CSNK2A1: variants seen among roughly 807,000 people sequenced by gnomAD.
CSNK2A1 encodes casein kinase 2 alpha 1.
CSNK2A1 carries 10 observed loss-of-function variants against 62.9 expected under a neutral mutation model. The observed-to-expected ratio is 0.16, with a 90% CI of 0.10 to 0.27. The LOEUF is 0.27. Ranked by LOEUF, CSNK2A1 falls within the 10% of genes least tolerant of loss-of-function variation. CSNK2A1 has a pLI of 1.00. For missense variants in CSNK2A1, 160 were observed against 492.0 expected, an observed-to-expected ratio of 0.33 and a Z score of 6.38; for synonymous variants, 124 against 167.8, an observed-to-expected ratio of 0.74 and a Z score of 2.02.
chr20:542,491 T>A (rs1447277293), intron 1 of CSNK2A1, among the ~76,000 whole-genome samples: 5 of 152,224 alleles, frequency 3.3e-5, no homozygotes, highest in Admixed American at 3.3e-4. Context: ...TGGAGTGCAG[T>A]GGCGGATCTC....
At position 483,141 on chromosome 20, in the gene CSNK2A1, C is replaced by T. The variant is rs1300106176; in HGVS notation, c.*820G>A. ...AACTAAGAAAGATTTTGCCTTCCCT[C>T]TCCTACCAGCTATGGAGCACAGCAT... On this transcript the variant is annotated 3_prime_UTR_variant, in exon 14 of 14. Coordinates refer to ENST00000217244, the MANE Select transcript of CSNK2A1 (RefSeq NM_177559.3). 6.6e-6 allele frequency: 1 copy of T among 152,180 alleles called. No individual in the cohort carries two copies. The highest frequency in any genetic ancestry group is 6.5e-5 in the Admixed American group (1 of 15,288). 9.4% of individuals were successfully genotyped at this position (152,180 alleles called of 1,614,324 possible). A position where few individuals can be genotyped will look rare whatever the true frequency, so the allele number is the denominator to read the frequency against.
intron 3 of CSNK2A1, chr20:505,863 A>T (rs1344183980): frequency 7.0e-6 from 1 of 143,596 alleles, no homozygotes; most frequent in Non-Finnish European, 1.5e-5. Flanking sequence ...TTTCCCCAAG[A>T]GAATAATTTT....
In CSNK2A1 at chr20:478,058, A is replaced by G. The variant is rs1159277484; in HGVS notation, c.*5903T>C. On this transcript the variant is annotated 3_prime_UTR_variant, in exon 14 of 14. Transcript: ENST00000217244. ...CAGTTGGAATTATCCCATATACACA[A>G]TTTTTTCACTTTTCTAATTAACATA... 1.3e-5 allele frequency: 2 copies of G among 151,446 alleles called. No homozygotes were observed. Among genetic ancestry groups the G allele is most frequent in the Non-Finnish European group, 2.9e-5 (2 of 67,878 alleles). 9.4% of individuals were successfully genotyped at this position (151,446 alleles called of 1,614,324 possible). A position where few individuals can be genotyped will look rare whatever the true frequency, so the allele number is the denominator to read the frequency against.
At position 486,367 on chromosome 20, in the gene CSNK2A1, T is replaced by G; in HGVS notation, c.1060+9A>C. On this transcript the variant is annotated intron_variant, in intron 13 of 13. Transcript: ENST00000217244. ...CATTTTTTTAAAGAAAATTTACCAATGAACTGACCTGACATCATATTGGCG... is the reference window on the plus strand; with the variant it reads ...CATTTTTTTAAAGAAAATTTACCAAGGAACTGACCTGACATCATATTGGCG... 1 of 1,613,130 alleles carries G rather than the reference T, an allele frequency of 6.2e-7. No homozygotes were observed. The highest frequency in any genetic ancestry group is 8.5e-7 in the Non-Finnish European group (1 of 1,179,578).
chr20:512,275 A>G (rs1025400809), intron 2 of CSNK2A1, among the ~76,000 whole-genome samples: 7 of 150,610 alleles, frequency 4.6e-5, no homozygotes, highest in South Asian at 2.1e-4. Flanking sequence ...TGTGATTTTA[A>G]TTTGCATTTC....
chr20:516,943 T>C (rs971740726), intron 2 of CSNK2A1, among the ~76,000 whole-genome samples: 12 of 152,212 alleles, frequency 7.9e-5, no homozygotes, highest in Admixed American at 2.6e-4. Flanking sequence ...AAGATTTCTA[T>C]AGCAAAGAAT....
chr20:503,500 C>G (rs1459287504), intron 4 of CSNK2A1: 1 of 398,530 alleles, frequency 2.5e-6, no homozygotes, highest in Non-Finnish European at 4.4e-6. Context: ...CTGTGGAACA[C>G]TTTACATTTT....
chr20:477,851 C>T lies in CSNK2A1; in HGVS notation c.*6110G>A, dbSNP rs539239365. Reference sequence around the variant, plus strand: ...TACTAAAAATACAAAATTAGCTGGGCGTGGTGGTGCATGTAATCCCATGCC... The same window carrying T: ...TACTAAAAATACAAAATTAGCTGGGTGTGGTGGTGCATGTAATCCCATGCC... On this transcript the variant is annotated 3_prime_UTR_variant, in exon 14 of 14. Coordinates refer to ENST00000217244, the MANE Select transcript of CSNK2A1 (RefSeq NM_177559.3). 5 of 151,812 alleles carry T rather than the reference C, an allele frequency of 3.3e-5. No homozygotes were observed. Among genetic ancestry groups the T allele is most frequent in the East Asian group, 1.9e-4 (1 of 5,182 alleles). 9.4% of individuals were successfully genotyped at this position (151,812 alleles called of 1,614,324 possible).
intron 1 of CSNK2A1, among the ~76,000 whole-genome samples, chr20:535,388 T>C (rs2019296173): frequency 6.6e-6 from 1 of 152,218 alleles, no homozygotes; most frequent in Admixed American, 6.5e-5. Context: ...CAATAGTCTA[T>C]TTTCATTTTT....
chr20:485,030 C>A (rs1291244054), intron 13 of CSNK2A1, among the ~76,000 whole-genome samples: 1 of 120,140 alleles, frequency 8.3e-6, no homozygotes, highest in African/African-American at 3.3e-5. Flanking sequence ...TGTGCCACTG[C>A]ACTCCAGCCT....
chr20:508,968 A>T (rs536666333), intron 2 of CSNK2A1, among the ~76,000 whole-genome samples: 3 of 152,246 alleles, frequency 2.0e-5, no homozygotes, highest in Non-Finnish European at 2.9e-5. Flanking sequence ...TAGATACATC[A>T]GCATTACCAC....
chr20:536,956 A>AT (rs746887058), intron 1 of CSNK2A1, among the ~76,000 whole-genome samples: 45 of 152,152 alleles, frequency 3.0e-4, no homozygotes, highest in East Asian at 1.9e-4. Flanking sequence ...ACATGATACC[A>AT]TTTTTTGGAA....
In CSNK2A1 at chr20:478,540, TC is replaced by T. The variant is rs1028247393; in HGVS notation, c.*5420del. The T allele has an allele frequency of 1.6e-4, 44 of 274,416 alleles. 1 individual carries two copies. Among genetic ancestry groups the T allele is most frequent in the South Asian group, 6.2e-4 (23 of 37,172 alleles). The allele number at this position is 274,416 out of a possible 1,614,324, so 17.0% of individuals were successfully genotyped here. A position where few individuals can be genotyped will look rare whatever the true frequency, so the allele number is the denominator to read the frequency against. On this transcript the variant is annotated 3_prime_UTR_variant, in exon 14 of 14. Transcript: ENST00000217244. ...GTGAAGCTGACTCAGAAATACTCAA[TC>T]CCCCCAGGAACTTCTCTAAGAAATG...
chr20:477,984 T>C lies in CSNK2A1; in HGVS notation c.*5977A>G, dbSNP rs1321421506. The C allele has an allele frequency of 1.3e-5, 2 of 152,182 alleles. No homozygotes were observed. Among genetic ancestry groups the C allele is most frequent in the African/African-American group, 4.8e-5 (2 of 41,432 alleles). 9.4% of individuals were successfully genotyped at this position (152,182 alleles called of 1,614,324 possible). On this transcript the variant is annotated 3_prime_UTR_variant, in exon 14 of 14. Coordinates refer to ENST00000217244, the MANE Select transcript of CSNK2A1 (RefSeq NM_177559.3). ...TTTGCCACCTTGGGATTTCCATTTC[T>C]TTCTCTGAAATAGGCATTTGCATTT... is the stretch of plus-strand genomic sequence containing the variant.
intron 1 of CSNK2A1, among the ~76,000 whole-genome samples, chr20:541,644 T>A (rs1334982785): frequency 6.6e-6 from 1 of 152,164 alleles, no homozygotes; most frequent in African/African-American, 2.4e-5. Flanking sequence ...ATCCTCAAAT[T>A]GCAAGGCACT....
chr20:525,477 C>T (rs1033143382), intron 2 of CSNK2A1, among the ~76,000 whole-genome samples: 1 of 151,340 alleles, frequency 6.6e-6, no homozygotes, highest in Non-Finnish European at 1.5e-5. Context: ...ATGGTGAAAC[C>T]CCGTCTCTAC....
chr20:534,312 T>C (rs1269985248), intron 1 of CSNK2A1, among the ~76,000 whole-genome samples: 4 of 152,208 alleles, frequency 2.6e-5, no homozygotes, highest in Non-Finnish European at 5.9e-5. Context: ...CAAAACACTA[T>C]AATAAAATGA....
rs189858947 is a variant in CSNK2A1 at position 542,041 on chromosome 20, A to T, written c.-227+1631T>A. Among the ~76,000 whole-genome samples the T allele has an allele frequency of 3.0e-4, 45 of 152,232 alleles. No homozygotes were observed. The East Asian group carries it at 6.0e-3, about 20-fold the overall frequency. On this transcript the variant is annotated intron_variant, in intron 1 of 13. Coordinates refer to ENST00000217244, the MANE Select transcript of CSNK2A1 (RefSeq NM_177559.3). Reference sequence around the variant, plus strand: ...TGACTTACAACAAAACCCTACAACAACTACAAAGATACTACTCTAAAGCCC... The same window carrying T: ...TGACTTACAACAAAACCCTACAACATCTACAAAGATACTACTCTAAAGCCC...
chr20:522,064 C>T (rs1040100362), intron 2 of CSNK2A1, among the ~76,000 whole-genome samples: 8 of 152,230 alleles, frequency 5.3e-5, no homozygotes, highest in South Asian at 2.1e-4. Flanking sequence ...CATTACTGCC[C>T]GAGCTCTGCC....
Sources: gnomAD v4.1 joint callset for allele counts (sites outside exome capture counted in the v4.1 genomes callset) on GRCh38, gnomAD v4.1.1 for gene constraint, MANE v1.5 for transcripts, NCBI Gene and HGNC (gene_info 2026-07-23, HGNC 2026-07-21) for gene names.